Variants in ACVR2A observed in about 807,000 individuals in gnomAD.
ACVR2A encodes activin A receptor type 2A.
A neutral mutation model predicts 61.4 loss-of-function variants in ACVR2A; 7 were observed. The ratio of observed to expected loss-of-function variants is 0.11; its 90% CI spans 0.06 to 0.21. The LOEUF is 0.21. Ranked by LOEUF, ACVR2A falls within the 10% of genes least tolerant of loss-of-function variation. ACVR2A has a pLI of 1.00. For synonymous variants in ACVR2A, 193 were observed against 208.3 expected (o/e 0.93, Z 0.63); for missense variants, 322 against 621.7 (o/e 0.52, Z 5.13).
At chr2:147,903,359 A>G (rs1179487983) in intron 4 of ACVR2A, among the ~76,000 whole-genome samples, 1 of 151,000 alleles carries the variant, frequency 6.6e-6, no homozygotes, top group African/African-American at 2.4e-5. Context: ...TGGCTCTGTC[A>G]TTTACCAAGT....
intron 4 of ACVR2A, among the ~76,000 whole-genome samples, chr2:147,905,961 T>C (rs1171067299): frequency 6.6e-6 from 1 of 152,172 alleles, no homozygotes; most frequent in Non-Finnish European, 1.5e-5. Flanking sequence ...GACTTCTGTT[T>C]AAATTTTGAA....
At chr2:147,847,531 A>T (rs1342206891) in intron 1 of ACVR2A, among the ~76,000 whole-genome samples, 1 of 152,200 alleles carries the variant, frequency 6.6e-6, no homozygotes, top group Non-Finnish European at 1.5e-5. Context: ...AATGGGAAAC[A>T]ATAGTAAGGA....
chr2:147,878,800 T>G (rs1249109318), intron 1 of ACVR2A, among the ~76,000 whole-genome samples: 2 of 152,006 alleles, frequency 1.3e-5, no homozygotes, highest in African/African-American at 4.8e-5. Context: ...TCCCAGCTAT[T>G]TGGGAGGCTA....
intron 1 of ACVR2A, among the ~76,000 whole-genome samples, chr2:147,880,386 T>C (rs1055057728): frequency 1.3e-5 from 2 of 152,176 alleles, no homozygotes; most frequent in Non-Finnish European, 2.9e-5. Flanking sequence ...CATTTTTTTA[T>C]ATTTCTTTAT....
At chr2:147,887,268 A>T (rs1448376759) in intron 1 of ACVR2A, among the ~76,000 whole-genome samples, 3 of 152,090 alleles carry the variant, frequency 2.0e-5, no homozygotes, top group African/African-American at 7.2e-5. Flanking sequence ...TAAAGAATGT[A>T]ATAGATGGAA....
chr2:147,900,832 A>G (rs1428376575), intron 4 of ACVR2A, among the ~76,000 whole-genome samples: 1 of 152,038 alleles, frequency 6.6e-6, no homozygotes, highest in African/African-American at 2.4e-5. Context: ...ATTAATGGTT[A>G]AAACTTGATA....
At chr2:147,886,848 C>T (rs1271617009) in intron 1 of ACVR2A, among the ~76,000 whole-genome samples, 2 of 151,152 alleles carry the variant, frequency 1.3e-5, no homozygotes, top group Admixed American at 6.6e-5. Flanking sequence ...TCCTTAATGC[C>T]AATGATAAAA....
At chr2:147,889,545 C>G (rs555487551) in intron 1 of ACVR2A, among the ~76,000 whole-genome samples, 1 of 151,926 alleles carries the variant, frequency 6.6e-6, no homozygotes, top group South Asian at 2.1e-4. Flanking sequence ...GAGATTGAGA[C>G]CATCCTGTCT....
At chr2:147,910,356 T>G (rs536473542) in intron 4 of ACVR2A, among the ~76,000 whole-genome samples, 1 of 152,142 alleles carries the variant, frequency 6.6e-6, no homozygotes, top group Non-Finnish European at 1.5e-5. Flanking sequence ...ATCTGAGAGA[T>G]CCTTGAGCCT....
intron 1 of ACVR2A, among the ~76,000 whole-genome samples, chr2:147,864,998 T>G (rs947369564): frequency 1.3e-5 from 2 of 152,138 alleles, no homozygotes; most frequent in Non-Finnish European, 2.9e-5. Flanking sequence ...ATTAATGATA[T>G]CTGACACCAA....
Position 147,917,441 on chromosome 2 carries a change from CG to C in ACVR2A, c.816+16del. The C allele has an allele frequency of 6.2e-7, 1 of 1,609,702 alleles. No individual in the cohort carries two copies. Among genetic ancestry groups the C allele is most frequent in the Non-Finnish European group, 8.5e-7 (1 of 1,177,736 alleles). On this transcript the variant is annotated intron_variant, in intron 6 of 10. Coordinates refer to ENST00000241416, the MANE Select transcript of ACVR2A (RefSeq NM_001616.5). ...TTCATGAAAAGGTAAAACTACTTAA[CG>C]TTTTACTTTAGTAAAGTCTGAGTTG...
intron 4 of ACVR2A, among the ~76,000 whole-genome samples, chr2:147,911,304 G>A (rs1021474549): frequency 1.3e-5 from 2 of 152,032 alleles, no homozygotes; most frequent in African/African-American, 4.8e-5. Flanking sequence ...TCAAGAATTT[G>A]TTTACCACCT....
chr2:147,855,467 G>C (rs1558959492), intron 1 of ACVR2A, among the ~76,000 whole-genome samples: 1 of 152,164 alleles, frequency 6.6e-6, no homozygotes, highest in Non-Finnish European at 1.5e-5. Flanking sequence ...GTTATGTGTT[G>C]AGATCACTTT....
intron 1 of ACVR2A, among the ~76,000 whole-genome samples, chr2:147,880,407 A>G (rs1458514181): frequency 6.6e-6 from 1 of 151,764 alleles, no homozygotes; most frequent in Non-Finnish European, 1.5e-5. Flanking sequence ...TAATCTTTTT[A>G]TTTTCTAAAG....
rs1044709398 is a variant in ACVR2A at position 147,928,142 on chromosome 2, A to T, written c.*868A>T. On this transcript the variant is annotated 3_prime_UTR_variant, in exon 11 of 11. Coordinates refer to ENST00000241416, the MANE Select transcript of ACVR2A (RefSeq NM_001616.5). The stretch of plus-strand genomic sequence containing the variant: ...AGCCCCATCTTATATCCAGTTCCCA[A>T]AATTTGCATACTTACCTAAGTATTT... 8 of 152,246 alleles carry T rather than the reference A, an allele frequency of 5.3e-5. No individual in the cohort carries two copies. The highest frequency in any genetic ancestry group is 1.9e-4 in the African/African-American group (8 of 41,358). The allele number at this position is 152,246 out of a possible 1,614,324, so 9.4% of individuals were successfully genotyped here.
At chr2:147,903,404 A>G (rs1283248770) in intron 4 of ACVR2A, among the ~76,000 whole-genome samples, 3 of 151,776 alleles carry the variant, frequency 2.0e-5, no homozygotes, top group African/African-American at 4.8e-5. Flanking sequence ...GATTGATCCT[A>G]TTGTAGTTCA....
chr2:147,898,343 T>G (rs1183087159), intron 2 of ACVR2A: 1 of 151,940 alleles, frequency 6.6e-6, no homozygotes, highest in Non-Finnish European at 1.5e-5. Context: ...GAAAAGTAAC[T>G]TTATTGAATT....
intron 1 of ACVR2A, among the ~76,000 whole-genome samples, chr2:147,880,065 G>A (rs1268271955): frequency 6.6e-6 from 1 of 152,086 alleles, no homozygotes; most frequent in African/African-American, 2.4e-5. Flanking sequence ...TAGTATAAAT[G>A]GGTGATATCT....
Position 147,857,877 on chromosome 2 carries a change from A to G in ACVR2A, c.55+12670A>G, listed in dbSNP as rs566213659. On this transcript the variant is annotated intron_variant, in intron 1 of 10. Coordinates refer to ENST00000241416, the MANE Select transcript of ACVR2A (RefSeq NM_001616.5). ...AGGAGTACACCTGCAGGTTTGTTAC[A>G]TAGGTAAACTTGTGTCATGGGGGTT... 5.3e-5 allele frequency among the ~76,000 whole-genome samples: 8 copies of G among 152,302 alleles called. No individual in the cohort carries two copies. The East Asian group carries it at 1.5e-3, about 29-fold the overall frequency.
Sources: gnomAD v4.1 joint callset for allele counts (sites outside exome capture counted in the v4.1 genomes callset) on GRCh38, gnomAD v4.1.1 for gene constraint, MANE v1.5 for transcripts, NCBI Gene and HGNC (gene_info 2026-07-23, HGNC 2026-07-21) for gene names.